Variants in ADAMTSL1 observed in about 807,000 individuals in gnomAD.
The protein encoded by ADAMTSL1 is ADAMTS like 1, also known as ADAMTS-like protein 1.
A neutral mutation model predicts 201.8 loss-of-function variants in ADAMTSL1; 126 were observed. The ratio of observed to expected loss-of-function variants is 0.62; its 90% CI spans 0.54 to 0.72. The LOEUF is 0.72. Ranked by LOEUF, ADAMTSL1 falls within the 30% of genes least tolerant of loss-of-function variation. ADAMTSL1 has a pLI of 0.00. For synonymous variants in ADAMTSL1, 1,121 were observed against 903.4 expected (o/e 1.24, Z -4.32); for missense variants, 2,679 against 2,277.8 (o/e 1.18, Z -3.59).
intron 7 of ADAMTSL1, among the ~76,000 whole-genome samples, chr9:18,652,672 T>C (rs528672413): frequency 6.6e-6 from 1 of 152,202 alleles, no homozygotes; most frequent in East Asian, 1.9e-4. Flanking sequence ...ACATTTAAGG[T>C]AGGTGTGGGG....
intron 5 of ADAMTSL1, among the ~76,000 whole-genome samples, chr9:18,628,114 A>G (rs148716544): frequency 1.8e-4 from 28 of 152,266 alleles, no homozygotes; most frequent in African/African-American, 6.5e-4. Flanking sequence ...AGACCACGCT[A>G]TCATTTTTTT....
At chr9:18,550,985 A>C (rs565090135) in intron 3 of ADAMTSL1, among the ~76,000 whole-genome samples, 63 of 152,094 alleles carry the variant, frequency 4.1e-4, no homozygotes, top group African/African-American at 1.4e-3. Flanking sequence ...ATTCAGTAAC[A>C]GACTAGAAAT....
intron 2 of ADAMTSL1, among the ~76,000 whole-genome samples, chr9:18,231,901 T>C (rs2132410595): frequency 6.6e-6 from 1 of 152,166 alleles, no homozygotes; most frequent in East Asian, 1.9e-4. Flanking sequence ...TTTACTCATA[T>C]CATGACCACT....
chr9:17,966,529 C>T (rs1356298009), intron 1 of ADAMTSL1, among the ~76,000 whole-genome samples: 2 of 152,028 alleles, frequency 1.3e-5, no homozygotes, highest in African/African-American at 4.8e-5. Context: ...TTGTATTTTT[C>T]TTTTTGTAGT....
chr9:18,383,216 C>A (rs10963591), intron 2 of ADAMTSL1, among the ~76,000 whole-genome samples: 1 of 152,076 alleles, frequency 6.6e-6, no homozygotes. Flanking sequence ...TTACAAATGT[C>A]GCAAAGTCTT....
intron 2 of ADAMTSL1, among the ~76,000 whole-genome samples, chr9:18,202,110 G>A (rs978432190): frequency 2.6e-5 from 4 of 152,096 alleles, no homozygotes; most frequent in Middle Eastern, 3.2e-3. Flanking sequence ...CTGAAATAAA[G>A]TGGGTTGTAA....
chr9:18,311,345 A>G (rs1371811709), intron 2 of ADAMTSL1, among the ~76,000 whole-genome samples: 1 of 148,450 alleles, frequency 6.7e-6, no homozygotes, highest in Admixed American at 6.6e-5. Flanking sequence ...AACTTAGGGT[A>G]TAATAAAAAA....
At chr9:18,746,563 C>A (rs1549989) in intron 15 of ADAMTSL1, among the ~76,000 whole-genome samples, 39,619 of 151,964 alleles carry the variant, frequency 0.26, 5,865 homozygotes, top group South Asian at 0.4. Context: ...ACATTTCTGA[C>A]TAAAGAAAAA....
At chr9:18,610,128 G>A (rs10963665) in intron 4 of ADAMTSL1, among the ~76,000 whole-genome samples, 7,386 of 152,146 alleles carry the variant, frequency 0.049, 259 homozygotes, top group East Asian at 0.2. Context: ...CTATGGTCTC[G>A]CTGGTCTTAA....
intron 2 of ADAMTSL1, among the ~76,000 whole-genome samples, chr9:18,355,599 A>G (rs937897819): frequency 6.6e-6 from 1 of 152,246 alleles, no homozygotes; most frequent in East Asian, 1.9e-4. Flanking sequence ...GTTTCAGACT[A>G]GTCCATGAAT....
chr9:18,486,719 G>A (rs1173137410), intron 1 of ADAMTSL1, among the ~76,000 whole-genome samples: 1 of 152,088 alleles, frequency 6.6e-6, no homozygotes, highest in African/African-American at 2.4e-5. Context: ...AAAAAGCGGA[G>A]TGGGAGTGAA....
intron 2 of ADAMTSL1, among the ~76,000 whole-genome samples, chr9:18,248,525 G>A (rs1262459835): frequency 2.0e-5 from 3 of 151,924 alleles, no homozygotes; most frequent in Non-Finnish European, 4.4e-5. Flanking sequence ...AGACAGTGGT[G>A]CCCTGTAGTG....
intron 2 of ADAMTSL1, among the ~76,000 whole-genome samples, chr9:18,268,137 T>C (rs1832213594): frequency 6.6e-6 from 1 of 152,204 alleles, no homozygotes; most frequent in Admixed American, 6.5e-5. Context: ...CTGAATATTA[T>C]GCTATATGTT....
chr9:17,945,828 A>C (rs1167567732), intron 1 of ADAMTSL1, among the ~76,000 whole-genome samples: 1 of 60,672 alleles, frequency 1.6e-5, no homozygotes, highest in Admixed American at 2.8e-4. Flanking sequence ...GGGTGGGGGG[A>C]GGGGGGAGGG....
chr9:18,539,666 C>T (rs1820007084), intron 3 of ADAMTSL1, among the ~76,000 whole-genome samples: 1 of 152,114 alleles, frequency 6.6e-6, no homozygotes, highest in Non-Finnish European at 1.5e-5. Context: ...AGAAAAACAA[C>T]ATGGAATAGG....
intron 1 of ADAMTSL1, among the ~76,000 whole-genome samples, chr9:18,503,768 A>T (rs1822975372): frequency 6.6e-6 from 1 of 152,142 alleles, no homozygotes. Context: ...CAGTTGGAAA[A>T]CCATTTGTAT....
At chr9:18,836,648 G>C (rs1394407703) in intron 23 of ADAMTSL1, among the ~76,000 whole-genome samples, 1 of 152,124 alleles carries the variant, frequency 6.6e-6, no homozygotes, top group South Asian at 2.1e-4. Context: ...GAGGTTGATA[G>C]TTTGATAATA....
chr9:18,429,168 G>A (rs188191270), intron 2 of ADAMTSL1, among the ~76,000 whole-genome samples: 9 of 151,758 alleles, frequency 5.9e-5, no homozygotes, highest in African/African-American at 2.2e-4. Flanking sequence ...TATAAATTTT[G>A]CATTTCATAA....
chr9:18,882,443 C>G (rs1828588632), intron 23 of ADAMTSL1, among the ~76,000 whole-genome samples: 1 of 152,100 alleles, frequency 6.6e-6, no homozygotes, highest in South Asian at 2.1e-4. Flanking sequence ...GTATATTTGC[C>G]TTCATACACA....
Sources: gnomAD v4.1 joint callset for allele counts (sites outside exome capture counted in the v4.1 genomes callset) on GRCh38, gnomAD v4.1.1 for gene constraint, MANE v1.5 for transcripts, NCBI Gene and HGNC (gene_info 2026-07-23, HGNC 2026-07-21) for gene names.